SLC7A13: variants seen among roughly 807,000 people sequenced by gnomAD.
SLC7A13 encodes the protein solute carrier family 7 member 13.
A neutral mutation model predicts 32.0 loss-of-function variants in SLC7A13; 31 were observed. The ratio of observed to expected loss-of-function variants is 0.97; its 90% CI spans 0.73 to 1.31. The LOEUF (loss-of-function observed/expected upper bound fraction) is 1.31, where lower values mean the gene tolerates loss of function less well. Among genes scored for constraint, SLC7A13 ranks in the 50% most tolerant of loss-of-function variants. The pLI, the probability that SLC7A13 is intolerant of heterozygous loss-of-function variation, is 0.00. For synonymous variants in SLC7A13, 232 were observed against 206.9 expected (o/e 1.12, Z -1.04); for missense variants, 633 against 546.9 (o/e 1.16, Z -1.57).
At chr8:86,227,411 G>A (rs1216830423) in intron 1 of SLC7A13, among the ~76,000 whole-genome samples, 1 of 152,112 alleles carries the variant, frequency 6.6e-6, no homozygotes, top group Non-Finnish European at 1.5e-5. Context: ...GAATTCAAGG[G>A]AAAAGACCAA....
Position 86,229,862 on chromosome 8 carries a change from A to C in SLC7A13, c.416T>G (p.Leu139Trp). 2 of 1,614,218 alleles carry C rather than the reference A, an allele frequency of 1.2e-6. No individual in the cohort carries two copies. The highest frequency in any genetic ancestry group is 1.7e-6 in the Non-Finnish European group (2 of 1,180,038). Reference sequence around the variant, plus strand: ...AATTCCTACAATCCACAACATGGCCAATGCCAGACATTTCTTAGGCAGCTT... The same window carrying C: ...AATTCCTACAATCCACAACATGGCCCATGCCAGACATTTCTTAGGCAGCTT... The part of the protein sequence containing the change: ...VPKLPKKCLA[L>W]AMLWIVGILT... The change falls in exon 1 of 4, where the codon TTG becomes TGG. Residue 139 changes from leucine (L) to tryptophan (W), a missense_variant. Leu to Trp is a moderately conservative substitution (Grantham distance 61). Transcript: ENST00000297524.
rs528326642 is a variant in SLC7A13 at position 86,214,336 on chromosome 8, A to G, written c.*77T>C. ...GGAATTTCACCATGAATGTTCTATC[A>G]TATGTTTAACCTTGATTTGGAATCT... On this transcript the variant is annotated 3_prime_UTR_variant, in exon 4 of 4. Transcript: ENST00000297524. 66 of 798,272 alleles carry G rather than the reference A, an allele frequency of 8.3e-5. No homozygotes were observed. In the South Asian group the frequency reaches 1.1e-3, roughly 13 times the overall value. 49.4% of individuals were successfully genotyped at this position (798,272 alleles called of 1,614,324 possible).
chr8:86,223,186 T>C, intron 1 of SLC7A13, 83 bp from the exon 2 acceptor site: 1 of 1,342,706 alleles, frequency 7.4e-7, no homozygotes, highest in Non-Finnish European at 9.9e-7. Flanking sequence ...TTTTTGTATT[T>C]GTATAAATTA....
chr8:86,215,487 A>T (rs560974678), intron 3 of SLC7A13: 2 of 250,130 alleles, frequency 8.0e-6, no homozygotes, highest in African/African-American at 4.7e-5. Context: ...GGAGATCGAG[A>T]TCAGCCTGGG....
Position 86,214,600 on chromosome 8 carries a change from A to C in SLC7A13, c.1226T>G (p.Leu409Trp). ...PLATIVIDVG[L>W]VVIPLVKSPN... ...AGACTTTACCAATGGTATCACAACC[A>C]AGCCCACGTCGATGACTATTGTTGC... The change falls in exon 4 of 4, where the codon TTG becomes TGG. Residue 409 changes from leucine to tryptophan, a missense_variant. By Grantham distance (61) the Leu-to-Trp change is moderately conservative. Coordinates refer to ENST00000297524, the MANE Select transcript of SLC7A13 (RefSeq NM_138817.3). 1 of 1,613,608 alleles carries C rather than the reference A, an allele frequency of 6.2e-7. No individual in the cohort carries two copies. Among genetic ancestry groups the C allele is most frequent in the Non-Finnish European group, 8.5e-7 (1 of 1,179,748 alleles).
At chr8:86,227,708 G>A (rs974773004) in intron 1 of SLC7A13, among the ~76,000 whole-genome samples, 5 of 152,056 alleles carry the variant, frequency 3.3e-5, no homozygotes, top group Admixed American at 6.6e-5. Context: ...ATGCATGACT[G>A]GATTTTTAAA....
At position 86,223,037 on chromosome 8, in the gene SLC7A13, A is replaced by G; in HGVS notation, c.752T>C (p.Val251Ala). The change falls in exon 2 of 4, where the codon GTA becomes GCA. Residue 251 changes from valine to alanine, a missense_variant. Transcript: ENST00000297524. Reference protein sequence around the residue: ...CIFTALPLVTVVYLLVNISYL... With the variant: ...CIFTALPLVTAVYLLVNISYL... ...GGAAATGTTAACCAGTAAATAAACT[A>G]CAGTCACCAGAGGTAACGCAGTAAA... The G allele has an allele frequency of 1.2e-6, 2 of 1,609,058 alleles. No individual in the cohort carries two copies. The highest frequency in any genetic ancestry group is 4.5e-5 in the East Asian group (2 of 44,554).
Position 86,217,843 on chromosome 8 carries a change from C to A in SLC7A13, c.818-12G>T, listed in dbSNP as rs1490458873. 15 of 1,492,490 alleles carry A rather than the reference C, an allele frequency of 1.0e-5. No homozygotes were observed. The highest frequency in any genetic ancestry group is 1.4e-5 in the South Asian group (1 of 69,672). 92.5% of individuals were successfully genotyped at this position (1,492,490 alleles called of 1,614,324 possible). ...GATAGCTACAGCATCTGCAGAAAAACAAAAATACACAAAAGAAAATGTGTT... is the reference window on the plus strand; with the variant it reads ...GATAGCTACAGCATCTGCAGAAAAAAAAAAATACACAAAAGAAAATGTGTT... On this transcript the variant is annotated splice_polypyrimidine_tract_variant and intron_variant, in intron 2 of 3. Coordinates refer to ENST00000297524, the MANE Select transcript of SLC7A13 (RefSeq NM_138817.3).
intron 2 of SLC7A13, among the ~76,000 whole-genome samples, chr8:86,220,318 T>A (rs1260100110): frequency 6.6e-6 from 1 of 152,122 alleles, no homozygotes; most frequent in Non-Finnish European, 1.5e-5. Context: ...TTTTCAAAGC[T>A]GGGACAGGGC....
chr8:86,218,862 G>C (rs969682267), intron 2 of SLC7A13, among the ~76,000 whole-genome samples: 13 of 152,100 alleles, frequency 8.5e-5, no homozygotes, highest in African/African-American at 3.1e-4. Context: ...GAGCACAATG[G>C]GGCCTGAAGT....
chr8:86,215,840 C>T (rs1480602285), intron 3 of SLC7A13, among the ~76,000 whole-genome samples: 3 of 152,184 alleles, frequency 2.0e-5, no homozygotes, highest in African/African-American at 7.2e-5. Flanking sequence ...AGACAAATTT[C>T]AGCCACTTGT....
chr8:86,221,790 A>C (rs1416953923), intron 2 of SLC7A13, among the ~76,000 whole-genome samples: 20 of 152,196 alleles, frequency 1.3e-4, no homozygotes. Context: ...TCATTATTAC[A>C]CCGAAGGAGA....
chr8:86,214,585 A>G lies in SLC7A13; in HGVS notation c.1241T>C (p.Leu414Ser), dbSNP rs1266815830. ...ATAATGCACATTTGGAGACTTTACC[A>G]ATGGTATCACAACCAAGCCCACGTC... ...VIDVGLVVIP[L>S]VKSPNVHYVY... The change falls in exon 4 of 4, where the codon TTG (leucine) becomes TCG (serine). Residue 414 changes from leucine to serine, a missense_variant. By Grantham distance (145) the Leu-to-Ser change is moderately radical (BLOSUM62 -2). Coordinates refer to ENST00000297524, the MANE Select transcript of SLC7A13 (RefSeq NM_138817.3). 5.6e-6 allele frequency: 9 copies of G among 1,613,690 alleles called. 1 individual carries two copies. In the Admixed American group the frequency reaches 8.3e-5, roughly 15 times the overall value.
Position 86,217,789 on chromosome 8 carries a change from A to G in SLC7A13, c.860T>C (p.Leu287Ser). The change falls in exon 3 of 4, where the codon TTA becomes TCA. Residue 287 changes from leucine to serine, a missense_variant. Leu to Ser is a moderately radical substitution (Grantham distance 145). Coordinates refer to ENST00000297524, the MANE Select transcript of SLC7A13 (RefSeq NM_138817.3). ...AATAGCAAAAGGCATAATCCATGCT[A>G]ATGAGGGAAAAGCTCGATCAGCCCA... is the stretch of plus-strand genomic sequence containing the variant. ...ITWADRAFPS[L>S]AWIMPFAIST... The G allele has an allele frequency of 6.2e-7, 1 of 1,605,770 alleles. No homozygotes were observed. The highest frequency in any genetic ancestry group is 8.5e-7 in the Non-Finnish European group (1 of 1,176,940).
At chr8:86,227,897 G>A (rs1199338428) in intron 1 of SLC7A13, among the ~76,000 whole-genome samples, 2 of 152,132 alleles carry the variant, frequency 1.3e-5, no homozygotes, top group Non-Finnish European at 2.9e-5. Context: ...AAGTACACAT[G>A]GATATACAGA....
chr8:86,226,080 T>C (rs188110107), intron 1 of SLC7A13, among the ~76,000 whole-genome samples: 1 of 152,184 alleles, frequency 6.6e-6, no homozygotes, highest in African/African-American at 2.4e-5. Context: ...CCAACTTTTG[T>C]TCACCACTAG....
At chr8:86,219,481 A>C (rs1820251532) in intron 2 of SLC7A13, among the ~76,000 whole-genome samples, 1 of 152,192 alleles carries the variant, frequency 6.6e-6, no homozygotes, top group South Asian at 2.1e-4. Context: ...AAGTAAAATA[A>C]ATGGCACTGA....
rs1401002885 is a variant in SLC7A13, at chr8:86,229,739, A to C, written c.539T>G (p.Val180Gly). Residue 180 changes from valine (V) to glycine (G), a missense_variant, in exon 1 of 4, where the codon GTG (valine) becomes GGG (glycine). Physicochemically the swap from Val to Gly is moderately radical, Grantham distance 109 (BLOSUM62 -3). Transcript: ENST00000297524. ...ILSFISLTGV[V>G]FLIRGKKENV... The stretch of plus-strand genomic sequence containing the variant: ...CTCCTTTTTCCCTCTTATCAGGAAC[A>C]CTACTCCAGTTAGGGAAATGAAGCT... 2 of 1,614,196 alleles carry C rather than the reference A, an allele frequency of 1.2e-6. No individual in the cohort carries two copies. Among genetic ancestry groups the C allele is most frequent in the Non-Finnish European group, 1.7e-6 (2 of 1,180,022 alleles).
chr8:86,218,628 G>A (rs915617544), intron 2 of SLC7A13, among the ~76,000 whole-genome samples: 2 of 149,678 alleles, frequency 1.3e-5, no homozygotes, highest in African/African-American at 2.5e-5. Flanking sequence ...CTAAGATTAA[G>A]AAACTAACCA....
Sources: gnomAD v4.1 joint callset for allele counts (sites outside exome capture counted in the v4.1 genomes callset) on GRCh38, gnomAD v4.1.1 for gene constraint, MANE v1.5 for transcripts, NCBI Gene and HGNC (gene_info 2026-07-23, HGNC 2026-07-21) for gene names.